The following PCDHGA4 variants were observed in gnomAD, a reference collection of about 807,000 sequenced individuals.
PCDHGA4 encodes protocadherin gamma-A4.
In PCDHGA4, 38 loss-of-function variants were observed where a neutral mutation model predicts 54.6. The observed-to-expected ratio is 0.70, with a 90% CI of 0.54 to 0.91. The LOEUF is 0.91. Among genes scored for constraint, PCDHGA4 ranks in the 40% least tolerant of loss-of-function variants. The pLI, the probability that PCDHGA4 is intolerant of heterozygous loss-of-function variation, is 0.00. For synonymous variants in PCDHGA4, 511 were observed against 512.9 expected (o/e 1.00, Z 0.05); for missense variants, 1,298 against 1,220.9 (o/e 1.06, Z -0.94).
rs776773140 is a variant in PCDHGA4, at chr5:141,476,589, G to A, written c.2515-18218G>A. 5 of 1,614,246 alleles carry A rather than the reference G, an allele frequency of 3.1e-6. No individual in the cohort carries two copies. Among genetic ancestry groups the A allele is most frequent in the Non-Finnish European group, 4.2e-6 (5 of 1,180,046 alleles). On this transcript the variant is annotated intron_variant, in intron 1 of 3. Coordinates refer to ENST00000571252, the MANE Select transcript of PCDHGA4 (RefSeq NM_018917.4). This position sits in a 1 kb window ranked among gnomAD's most constrained non-coding sequence, Gnocchi z 7.6. ...CCGGGGACGCGCTTTCCGCTCGAGA[G>A]CGCGCACGATCCCGATGTGGGAAGC...
chr5:141,426,166 G>A (rs545570121), intron 1 of PCDHGA4: 4 of 155,070 alleles, frequency 2.6e-5, no homozygotes, highest in South Asian at 2.0e-4. Context: ...GATTCCATAC[G>A]GATTGGGGTG....
At chr5:141,398,892 G>A in intron 1 of PCDHGA4, 5 of 1,613,916 alleles carry the variant, frequency 3.1e-6, no homozygotes, top group Non-Finnish European at 4.2e-6. Context: ...GGGAAAACGT[G>A]CCACCAGGCA....
At position 141,366,149 on chromosome 5, in the gene PCDHGA4, C is replaced by A; in HGVS notation, c.2514+8528C>A. On this transcript the variant is annotated intron_variant, in intron 1 of 3. Coordinates refer to ENST00000571252, the MANE Select transcript of PCDHGA4 (RefSeq NM_018917.4). ...AGGCCAGAACGCCTGGCTGTCCTAC[C>A]GCCTGCTTAAGGCCAGCGAGCCAGG... is the stretch of plus-strand genomic sequence containing the variant. The A allele has an allele frequency of 4.3e-6, 7 of 1,614,160 alleles. No individual in the cohort carries two copies. Among genetic ancestry groups the A allele is most frequent in the Non-Finnish European group, 5.9e-6 (7 of 1,180,048 alleles).
At chr5:141,380,802 T>A (rs1776746309) in intron 1 of PCDHGA4, among the ~76,000 whole-genome samples, 1 of 152,118 alleles carries the variant, frequency 6.6e-6, no homozygotes, top group African/African-American at 2.4e-5. Context: ...AAGAAACAAA[T>A]GTGAGATGAA....
At chr5:141,366,854 C>T (rs1018356495) in intron 1 of PCDHGA4, 3 of 1,453,352 alleles carry the variant, frequency 2.1e-6, no homozygotes, top group Non-Finnish European at 2.8e-6. Flanking sequence ...AATAGTGGAA[C>T]ATTATTTGCT....
chr5:141,431,325 G>C lies in PCDHGA4; in HGVS notation c.2515-63482G>C, dbSNP rs772252181. On this transcript the variant is annotated intron_variant, in intron 1 of 3. Coordinates refer to ENST00000571252, the MANE Select transcript of PCDHGA4 (RefSeq NM_018917.4). The surrounding 1 kb of genome is among the most constrained non-coding windows in gnomAD (Gnocchi z 4.8). Reference sequence around the variant, plus strand: ...ATCGTGCAAAATGGAGCCGACGGTAGTAAGTACCCCGAATTGGTGCTGAAA... The same window carrying C: ...ATCGTGCAAAATGGAGCCGACGGTACTAAGTACCCCGAATTGGTGCTGAAA... 4.3e-6 allele frequency: 7 copies of C among 1,614,144 alleles called. No individual in the cohort carries two copies. In the Admixed American group the frequency reaches 8.3e-5, roughly 19 times the overall value.
At chr5:141,479,505 G>A (rs2099498324) in intron 1 of PCDHGA4, 1 of 152,262 alleles carries the variant, frequency 6.6e-6, no homozygotes, top group African/African-American at 2.4e-5. Flanking sequence ...CCTAAAGAGG[G>A]GTGAACTGGC....
chr5:141,385,085 A>C, intron 1 of PCDHGA4: 1 of 1,614,132 alleles, frequency 6.2e-7, no homozygotes, highest in South Asian at 1.1e-5. Context: ...CAGGCTTCAG[A>C]AGGTGGCTTG....
At chr5:141,506,735 G>A (rs1467217136) in intron 3 of PCDHGA4, among the ~76,000 whole-genome samples, 1 of 152,098 alleles carries the variant, frequency 6.6e-6, no homozygotes, top group Non-Finnish European at 1.5e-5. Context: ...TTAGAATAAT[G>A]CCTATTAATA....
In PCDHGA4 at chr5:141,432,075, C is replaced by G. The variant is rs2097446801; in HGVS notation, c.2515-62732C>G. 2 of 1,614,086 alleles carry G rather than the reference C, an allele frequency of 1.2e-6. No individual in the cohort carries two copies. Among genetic ancestry groups the G allele is most frequent in the Non-Finnish European group, 1.7e-6 (2 of 1,180,054 alleles). ...CCCCTATCCACGGAAACTCATATCT[C>G]GCTGAACGTGGCAGACACCAACGAC... On this transcript the variant is annotated intron_variant, in intron 1 of 3. Transcript: ENST00000571252. This position sits in a 1 kb window ranked among gnomAD's most constrained non-coding sequence, Gnocchi z 6.0.
At position 141,357,292 on chromosome 5, in the gene PCDHGA4, G is replaced by T; in HGVS notation, c.2185G>T (p.Ala729Ser). ...CACACTCTATCTCGTGGTGGCAGTG[G>T]CCGCTGTCTCCTGCGTCTTCCTGGC... ...GLTLYLVVAV[A>S]AVSCVFLAFV... Residue 729 changes from alanine (A) to serine (S), a missense_variant, in exon 1 of 4, where the codon GCC (alanine) becomes TCC (serine). Ala to Ser is a moderately conservative substitution (Grantham distance 99, BLOSUM62 1). Coordinates refer to ENST00000571252, the MANE Select transcript of PCDHGA4 (RefSeq NM_018917.4). 6.2e-7 allele frequency: 1 copy of T among 1,613,972 alleles called. No homozygotes were observed. The highest frequency in any genetic ancestry group is 1.3e-5 in the African/African-American group (1 of 75,066).
At chr5:141,388,574 T>A (rs372294800) in intron 1 of PCDHGA4, 107 of 1,613,842 alleles carry the variant, frequency 6.6e-5, no homozygotes, top group Middle Eastern at 1.6e-4. Context: ...AGATACACGT[T>A]CTAGTGACTG....
rs2099710738 is a variant in PCDHGA4, at chr5:141,491,331, T to C, written c.2515-3476T>C. 6.2e-7 allele frequency: 1 copy of C among 1,614,170 alleles called. No homozygotes were observed. The highest frequency in any genetic ancestry group is 8.5e-7 in the Non-Finnish European group (1 of 1,180,018). On this transcript the variant is annotated intron_variant, in intron 1 of 3. Coordinates refer to ENST00000571252, the MANE Select transcript of PCDHGA4 (RefSeq NM_018917.4). The surrounding 1 kb of genome is among the most constrained non-coding windows in gnomAD (Gnocchi z 6.9). ...ACCTTACCCTTTACCTCATTGTGGC[T>C]CTAGCGACCGTCAGTCTCTTATCCC...
At chr5:141,427,803 G>A (rs781324396) in intron 1 of PCDHGA4, 2 of 1,511,804 alleles carry the variant, frequency 1.3e-6, no homozygotes, top group Admixed American at 1.7e-5. Context: ...GTCCGTGAGC[G>A]CACAGAGCGG....
chr5:141,454,669 AC>A (rs1292139052), intron 1 of PCDHGA4, among the ~76,000 whole-genome samples: 1 of 151,212 alleles, frequency 6.6e-6, no homozygotes, highest in African/African-American at 2.4e-5. Context: ...GCCTCCCAAA[AC>A]ACTGGGATTA....
In PCDHGA4 at chr5:141,487,258, G is replaced by T. The variant is rs368598017; in HGVS notation, c.2515-7549G>T. On this transcript the variant is annotated intron_variant, in intron 1 of 3. Transcript: ENST00000571252. The surrounding 1 kb of genome is among the most constrained non-coding windows in gnomAD (Gnocchi z 5.0). ...CTCGTCTAACCCTCTACTTGGCTGT[G>T]TCCCTAGTGGCAATTTGCTTTGTCT... 1.5e-4 allele frequency: 240 copies of T among 1,614,026 alleles called. 1 individual carries two copies. The highest frequency in any genetic ancestry group is 3.3e-5 in the Admixed American group (2 of 60,004).
chr5:141,370,786 C>T (rs1378558214), intron 1 of PCDHGA4: 1 of 1,613,972 alleles, frequency 6.2e-7, no homozygotes, highest in East Asian at 2.2e-5. Flanking sequence ...GACAACCCAC[C>T]GACCTTTAGC....
intron 1 of PCDHGA4, among the ~76,000 whole-genome samples, chr5:141,460,173 A>C (rs2098983888): frequency 6.6e-6 from 1 of 152,004 alleles, no homozygotes; most frequent in Admixed American, 6.6e-5. Flanking sequence ...TATTTTGTGG[A>C]TATTTTATCC....
chr5:141,510,840 A>C (rs2099882997), intron 3 of PCDHGA4, 107 bp from the exon 4 acceptor site: 1 of 1,588,450 alleles, frequency 6.3e-7, no homozygotes, highest in Non-Finnish European at 8.6e-7. Context: ...CAGCGTGGTC[A>C]AGGCCCAGGG....
Sources: gnomAD v4.1 joint callset for allele counts (sites outside exome capture counted in the v4.1 genomes callset) on GRCh38, gnomAD v4.1.1 for gene constraint, Gnocchi (gnomAD v3.1) non-coding constraint, MANE v1.5 for transcripts, NCBI Gene and HGNC (gene_info 2026-07-23, HGNC 2026-07-21) for gene names.